QTMAN: variants seen among roughly 807,000 people sequenced by gnomAD.
The protein encoded by QTMAN is queuosine-tRNA mannosyltransferase, also known as tRNA-queuosine alpha-mannosyltransferase.
chr2:144,077,658 T>C, the QTMAN span, among the ~76,000 whole-genome samples: 2 of 152,222 alleles, frequency 1.3e-5, no homozygotes, highest in Non-Finnish European at 2.9e-5. Flanking sequence ...TACACAAATA[T>C]ATATGTATGT....
At chr2:143,955,417 C>T in the QTMAN span, among the ~76,000 whole-genome samples, 1 of 151,976 alleles carries the variant, frequency 6.6e-6, no homozygotes, top group African/African-American at 2.4e-5. Context: ...TCTACAAGAT[C>T]TAAGAAAGTG....
At chr2:144,110,183 C>A in the QTMAN span, among the ~76,000 whole-genome samples, 6 of 152,116 alleles carry the variant, frequency 3.9e-5, no homozygotes, top group African/African-American at 1.4e-4. Flanking sequence ...AAATGTGGCA[C>A]ATATATACCA....
chr2:144,253,560 C>T, the QTMAN span, among the ~76,000 whole-genome samples: 1 of 152,026 alleles, frequency 6.6e-6, no homozygotes, highest in East Asian at 1.9e-4. Context: ...AGATGAGGAA[C>T]TTGTTGGGAA....
chr2:144,267,733 T>G, the QTMAN span, among the ~76,000 whole-genome samples: 2 of 152,152 alleles, frequency 1.3e-5, no homozygotes, highest in African/African-American at 2.4e-5. Flanking sequence ...ATTTAAGTAG[T>G]AAAACAGATG....
At chr2:144,018,161 T>C in the QTMAN span, among the ~76,000 whole-genome samples, 1 of 152,156 alleles carries the variant, frequency 6.6e-6, no homozygotes, top group East Asian at 1.9e-4. Context: ...TAAAACTGCA[T>C]AAACCAGGAA....
At chr2:144,032,593 G>A in the QTMAN span, among the ~76,000 whole-genome samples, 57 of 152,180 alleles carry the variant, frequency 3.7e-4, no homozygotes, top group African/African-American at 1.3e-3. Flanking sequence ...GTTGGAAAAT[G>A]CACTCTGGAC....
At chr2:144,140,379 T>C in the QTMAN span, among the ~76,000 whole-genome samples, 1 of 152,006 alleles carries the variant, frequency 6.6e-6, no homozygotes, top group Non-Finnish European at 1.5e-5. Flanking sequence ...TATAACCATC[T>C]ACTCACTTAG....
chr2:143,971,736 GA>G, the QTMAN span, among the ~76,000 whole-genome samples: 1 of 151,542 alleles, frequency 6.6e-6, no homozygotes, highest in Non-Finnish European at 1.5e-5. Context: ...TTTACATTAT[GA>G]AAAAATAGTT....
chr2:144,020,075 T>C, the QTMAN span, among the ~76,000 whole-genome samples: 3 of 151,566 alleles, frequency 2.0e-5, no homozygotes, highest in Non-Finnish European at 4.4e-5. Context: ...TAACATGAAA[T>C]AAACAAGACA....
At chr2:144,133,139 ATATATATATAT>A in the QTMAN span, among the ~76,000 whole-genome samples, 2 of 42,028 alleles carry the variant, frequency 4.8e-5, no homozygotes, top group African/African-American at 3.1e-4. Flanking sequence ...ATATATATAT[ATATATATATAT>A]AATATAATAT....
chr2:143,993,145 T>C, the QTMAN span, among the ~76,000 whole-genome samples: 1 of 152,202 alleles, frequency 6.6e-6, no homozygotes, highest in African/African-American at 2.4e-5. Context: ...ACGGCAAATT[T>C]TTATTTGATT....
the QTMAN span, chr2:143,950,808 G>T: frequency 2.0e-5 from 3 of 151,954 alleles, no homozygotes; most frequent in East Asian, 3.9e-4. Flanking sequence ...TGTTTTCTCT[G>T]TGGAGCTTCC....
the QTMAN span, among the ~76,000 whole-genome samples, chr2:144,137,172 G>A: frequency 2.6e-5 from 4 of 152,102 alleles, no homozygotes; most frequent in Non-Finnish European, 5.9e-5. Context: ...TCCATTTGCT[G>A]TCATTTATAA....
chr2:143,940,888 G>C, the QTMAN span: 1 of 152,320 alleles, frequency 6.6e-6, no homozygotes, highest in Admixed American at 6.5e-5. Context: ...TGAACTTTTA[G>C]TACAGAAATC....
the QTMAN span, among the ~76,000 whole-genome samples, chr2:143,998,954 C>T: frequency 6.6e-6 from 1 of 152,002 alleles, no homozygotes; most frequent in African/African-American, 2.4e-5. Context: ...CGAAGAGAGA[C>T]ATAACCTCAA....
chr2:143,938,377 AC>A, the QTMAN span: 1 of 152,210 alleles, frequency 6.6e-6, no homozygotes. Context: ...TCTGAAGTCC[AC>A]CCGCGGACCA....
the QTMAN span, among the ~76,000 whole-genome samples, chr2:144,320,824 G>A: frequency 6.6e-6 from 1 of 152,126 alleles, no homozygotes; most frequent in East Asian, 1.9e-4. Flanking sequence ...TGGGCACCTT[G>A]TGAACAGTCT....
chr2:144,147,252 CTCTT>C, the QTMAN span, among the ~76,000 whole-genome samples: 1 of 150,170 alleles, frequency 6.7e-6, no homozygotes, highest in Non-Finnish European at 1.5e-5. Flanking sequence ...TATAATTTAT[CTCTT>C]TAAGGTTAAA....
At chr2:144,256,808 C>A in the QTMAN span, among the ~76,000 whole-genome samples, 3 of 151,866 alleles carry the variant, frequency 2.0e-5, no homozygotes, top group Non-Finnish European at 4.4e-5. Flanking sequence ...CAGCAAACCA[C>A]CATGGCACAT....
Sources: gnomAD v4.1 joint callset for allele counts (sites outside exome capture counted in the v4.1 genomes callset) on GRCh38, gnomAD v4.1.1 for gene constraint, MANE v1.5 for transcripts, NCBI Gene and HGNC (gene_info 2026-07-23, HGNC 2026-07-21) for gene names.